The following PKD1L1 variants were observed in gnomAD, a reference collection of about 807,000 sequenced individuals.
PKD1L1 encodes polycystin-1-like protein 1.
PKD1L1 carries 236 observed loss-of-function variants against 323.4 expected under a neutral mutation model. The ratio of observed to expected loss-of-function variants is 0.73; its 90% CI spans 0.66 to 0.81. PKD1L1 has a LOEUF of 0.81. Ranked by LOEUF, PKD1L1 falls within the 40% of genes least tolerant of loss-of-function variation. The pLI, the probability that PKD1L1 is intolerant of heterozygous loss-of-function variation, is 0.00. For synonymous variants in PKD1L1, 1,344 were observed against 1,335.0 expected (o/e 1.01, Z -0.15); for missense variants, 3,320 against 3,508.0 (o/e 0.95, Z 1.35).
At chr7:47,841,172 T>G (rs758279125) in intron 34 of PKD1L1, among the ~76,000 whole-genome samples, 7 of 152,246 alleles carry the variant, frequency 4.6e-5, no homozygotes, top group Non-Finnish European at 7.3e-5. Context: ...GTTTTCACCT[T>G]TCTGTCTCTA....
In PKD1L1 at chr7:47,827,505, T is replaced by C. The variant is rs374583493; in HGVS notation, c.6736-37A>G. On this transcript the variant is annotated intron_variant, in intron 44 of 56. Transcript: ENST00000289672. ...AAGAGTGCTGTGAGCTGCGGGCTGG[T>C]GGGTGGAAGGAGAGAGGCCCCTGGT... 141 of 1,559,880 alleles carry C rather than the reference T, an allele frequency of 9.0e-5. 1 individual carries two copies. In the South Asian group the frequency reaches 1.0e-3, roughly 11 times the overall value.
intron 24 of PKD1L1, among the ~76,000 whole-genome samples, chr7:47,871,571 C>T (rs2128744784): frequency 6.6e-6 from 1 of 152,300 alleles, no homozygotes; most frequent in Admixed American, 6.5e-5. Context: ...ACAGACACCA[C>T]CTCTTAACTA....
chr7:47,913,709 T>C (rs1787371805), intron 8 of PKD1L1, among the ~76,000 whole-genome samples: 1 of 152,214 alleles, frequency 6.6e-6, no homozygotes, highest in Non-Finnish European at 1.5e-5. Flanking sequence ...GATGCCCACA[T>C]CAATGTTTCC....
chr7:47,847,355 CT>C (rs1166486392), intron 31 of PKD1L1, among the ~76,000 whole-genome samples: 1 of 152,188 alleles, frequency 6.6e-6, no homozygotes, highest in Non-Finnish European at 1.5e-5. Flanking sequence ...CAAGTGCCCC[CT>C]GACACCCTGA....
At chr7:47,805,341 G>T (rs1306382299) in intron 52 of PKD1L1, among the ~76,000 whole-genome samples, 1 of 152,204 alleles carries the variant, frequency 6.6e-6, no homozygotes, top group Non-Finnish European at 1.5e-5. Context: ...AGTCATTTGT[G>T]TTTATCTTGA....
chr7:47,890,300 G>A (rs1030683056), intron 16 of PKD1L1, among the ~76,000 whole-genome samples: 8 of 152,330 alleles, frequency 5.3e-5, no homozygotes, highest in African/African-American at 1.4e-4. Context: ...TGGAACCCCC[G>A]GCTGTGCCAG....
intron 15 of PKD1L1, among the ~76,000 whole-genome samples, chr7:47,893,362 AC>A (rs1384840938): frequency 6.6e-6 from 1 of 151,578 alleles, no homozygotes; most frequent in Non-Finnish European, 1.5e-5. Context: ...CGCTGTAGGG[AC>A]GCCGGGACTC....
At chr7:47,838,334 G>A (rs933321938) in intron 36 of PKD1L1, among the ~76,000 whole-genome samples, 2 of 152,232 alleles carry the variant, frequency 1.3e-5, no homozygotes, top group African/African-American at 4.8e-5. Flanking sequence ...AAGGTCCGGC[G>A]ACACTGGGGA....
In PKD1L1 at chr7:47,857,640, T is replaced by C; in HGVS notation, c.4555A>G (p.Lys1519Glu). 6.2e-7 allele frequency: 1 copy of C among 1,614,212 alleles called. No individual in the cohort carries two copies. Among genetic ancestry groups the C allele is most frequent in the Non-Finnish European group, 8.5e-7 (1 of 1,180,040 alleles). Residue 1519 changes from lysine (K) to glutamate (E), a missense_variant, in exon 28 of 57, where the codon AAG becomes GAG. By Grantham distance (56) the Lys-to-Glu change is moderately conservative. Coordinates refer to ENST00000289672, the MANE Select transcript of PKD1L1 (RefSeq NM_138295.5). ...CYISQLILFK[K>E]NPYPGSQAPG... is the part of the protein sequence containing the mutation. The stretch of plus-strand genomic sequence containing the variant: ...GCTTGGCTCCCTGGATATGGGTTCT[T>C]CTTGAAGAGTATGAGCTGGCTAATG...
chr7:47,924,581 C>T (rs1234297027), intron 7 of PKD1L1, among the ~76,000 whole-genome samples: 1 of 152,184 alleles, frequency 6.6e-6, no homozygotes, highest in African/African-American at 2.4e-5. Context: ...TACTCATTAG[C>T]AAAGTCCTAA....
Position 47,880,765 on chromosome 7 carries a change from CAG to C in PKD1L1, c.3481_3482del (p.Leu1161GlufsTer21), listed in dbSNP as rs772089145. 2 of 1,609,060 alleles carry C rather than the reference CAG, an allele frequency of 1.2e-6. No homozygotes were observed. The highest frequency in any genetic ancestry group is 2.7e-5 in the African/African-American group (2 of 74,346). On this transcript the variant is annotated frameshift_variant, in exon 21 of 57. Transcript: ENST00000289672. LOFTEE classifies it high-confidence loss of function. The part of the protein sequence containing the change: ...EQTVTIKPYS[L>X]SSGETYVLQV... ...GCAGGACGTACGTCTCTCCACTGCT[CAG>C]AGAGTATGGCTTGATTGTCACTGTC...
At chr7:47,825,547 A>G (rs1297231722) in intron 45 of PKD1L1, among the ~76,000 whole-genome samples, 1 of 151,810 alleles carries the variant, frequency 6.6e-6, no homozygotes, top group African/African-American at 2.4e-5. Flanking sequence ...AAAAAAAAAA[A>G]GAATATTAAA....
At chr7:47,776,151 T>C (rs73101479) in intron 56 of PKD1L1, among the ~76,000 whole-genome samples, 2 of 152,256 alleles carry the variant, frequency 1.3e-5, no homozygotes, top group African/African-American at 2.4e-5. Context: ...TATAGTCCTA[T>C]ACTTCTTTAA....
At chr7:47,933,065 T>C (rs975777763) in intron 4 of PKD1L1, among the ~76,000 whole-genome samples, 2 of 152,126 alleles carry the variant, frequency 1.3e-5, no homozygotes, top group African/African-American at 4.8e-5. Flanking sequence ...TATTAGATGA[T>C]GAGAAAGAAA....
At chr7:47,795,324 TG>T (rs1172645248) in intron 55 of PKD1L1, 4 of 455,444 alleles carry the variant, frequency 8.8e-6, no homozygotes, top group African/African-American at 8.0e-5. Flanking sequence ...TCACAAGATC[TG>T]ATCATTTATA....
intron 5 of PKD1L1, among the ~76,000 whole-genome samples, chr7:47,931,535 C>T (rs1020824388): frequency 1.5e-4 from 23 of 152,298 alleles, no homozygotes; most frequent in East Asian, 3.9e-4. Flanking sequence ...GCCAAGACAG[C>T]GCCCAGCTGG....
chr7:47,873,744 T>C lies in PKD1L1; in HGVS notation c.3896+155A>G, dbSNP rs753805925. On this transcript the variant is annotated intron_variant, in intron 24 of 56. Transcript: ENST00000289672. The stretch of plus-strand genomic sequence containing the variant: ...GCCATGCAAATATGAGTTAGCAGGA[T>C]TGCAGTGATAGCACCCGGACTTTTT... 2.6e-5 allele frequency among the ~76,000 whole-genome samples: 4 copies of C among 151,996 alleles called. No individual in the cohort carries two copies. The East Asian group carries it at 5.8e-4, about 22-fold the overall frequency.
At chr7:47,828,985 A>G (rs1583601587) in intron 44 of PKD1L1, among the ~76,000 whole-genome samples, 2 of 152,304 alleles carry the variant, frequency 1.3e-5, no homozygotes, top group East Asian at 1.9e-4. Flanking sequence ...CACACTGCCC[A>G]ACAGAATGCT....
Position 47,829,543 on chromosome 7 carries a change from G to A in PKD1L1, c.6617C>T (p.Thr2206Ile). Residue 2206 changes from threonine to isoleucine, a missense_variant, in exon 44 of 57, where the codon ACT becomes ATT. Coordinates refer to ENST00000289672, the MANE Select transcript of PKD1L1 (RefSeq NM_138295.5). ...WKRRADNHFF[T>I]ESLCEATRDL... Reference sequence around the variant, plus strand: ...CCTGGTAGCCTCACATAAAGACTCAGTAAAAAAGTGGTTGTCAGCTCTTCT... The same window carrying A: ...CCTGGTAGCCTCACATAAAGACTCAATAAAAAAGTGGTTGTCAGCTCTTCT... 1 of 1,613,706 alleles carries A rather than the reference G, an allele frequency of 6.2e-7. No individual in the cohort carries two copies. The highest frequency in any genetic ancestry group is 8.5e-7 in the Non-Finnish European group (1 of 1,179,932).
Sources: gnomAD v4.1 joint callset for allele counts (sites outside exome capture counted in the v4.1 genomes callset) on GRCh38, gnomAD v4.1.1 for gene constraint, MANE v1.5 for transcripts, NCBI Gene and HGNC (gene_info 2026-07-23, HGNC 2026-07-21) for gene names.